Variants in ACOXL observed in about 807,000 individuals in gnomAD.
ACOXL encodes acyl-coenzyme A oxidase-like protein.
ACOXL carries 70 observed loss-of-function variants against 71.9 expected under a neutral mutation model. The ratio of observed to expected loss-of-function variants is 0.97; its 90% CI spans 0.80 to 1.19. ACOXL has a LOEUF of 1.19. Ranked by LOEUF, ACOXL falls within the 50% of genes most tolerant of loss-of-function variation. The pLI is 0.00. For missense variants in ACOXL, 703 were observed against 736.3 expected (o/e 0.95, Z 0.52); for synonymous variants, 253 against 281.6 (o/e 0.90, Z 1.02).
chr2:110,955,691 T>C (rs899852234), intron 12 of ACOXL, among the ~76,000 whole-genome samples: 1 of 152,044 alleles, frequency 6.6e-6, no homozygotes, highest in East Asian at 1.9e-4. Flanking sequence ...CCAGCCTTCT[T>C]TCCAGGCCCT....
chr2:111,007,651 A>G (rs577218099), intron 14 of ACOXL, among the ~76,000 whole-genome samples: 31 of 152,254 alleles, frequency 2.0e-4, no homozygotes, highest in Non-Finnish European at 3.8e-4. Flanking sequence ...CCTGCAGTCA[A>G]TCATTTCTCC....
chr2:111,104,712 T>C (rs1299322682), intron 17 of ACOXL, among the ~76,000 whole-genome samples: 4 of 152,330 alleles, frequency 2.6e-5, no homozygotes, highest in Admixed American at 2.0e-4. Flanking sequence ...TTATATGTTC[T>C]AGATACTAGT....
intron 10 of ACOXL, among the ~76,000 whole-genome samples, chr2:110,876,824 A>C (rs963849294): frequency 2.0e-5 from 3 of 152,256 alleles, no homozygotes; most frequent in Admixed American, 2.0e-4. Context: ...TCTAGGCATT[A>C]TAGGGATACC....
rs186054122 is a variant in ACOXL, at chr2:110,938,406, T to C, written c.1059+4764T>C. 3.8e-3 allele frequency among the ~76,000 whole-genome samples: 586 copies of C among 152,368 alleles called. 1 individual carries two copies. The highest frequency in any genetic ancestry group is 0.012 in the African/African-American group (498 of 41,590). Reference sequence around the variant, plus strand: ...GCCTTCAGGCCCCAGCACCACATGGTGCAGCTGATCCAGTGCACAGAGGCT... The same window carrying C: ...GCCTTCAGGCCCCAGCACCACATGGCGCAGCTGATCCAGTGCACAGAGGCT... On this transcript the variant is annotated intron_variant, in intron 12 of 17. Transcript: ENST00000439055.
chr2:110,878,418 G>A (rs917424332), intron 10 of ACOXL, among the ~76,000 whole-genome samples: 3 of 152,184 alleles, frequency 2.0e-5, no homozygotes, highest in Non-Finnish European at 4.4e-5. Flanking sequence ...GTTAGGAAAC[G>A]TGTAGGAAAG....
rs191670980 is a variant in ACOXL at position 110,979,105 on chromosome 2, G to A, written c.1060-8003G>A. On this transcript the variant is annotated intron_variant, in intron 12 of 17. Transcript: ENST00000439055. Reference sequence around the variant, plus strand: ...GGGAAAACACTTGGGAACAACAGCCGGCCCTGCGCTAGGGAAGGTGGACAC... The same window carrying A: ...GGGAAAACACTTGGGAACAACAGCCAGCCCTGCGCTAGGGAAGGTGGACAC... 2.1e-3 allele frequency among the ~76,000 whole-genome samples: 314 copies of A among 148,058 alleles called. 1 individual carries two copies. The highest frequency in any genetic ancestry group is 7.2e-3 in the African/African-American group (295 of 40,778).
At chr2:110,786,179 T>G (rs1271101215) in intron 3 of ACOXL, among the ~76,000 whole-genome samples, 1 of 152,084 alleles carries the variant, frequency 6.6e-6, no homozygotes, top group Non-Finnish European at 1.5e-5. Context: ...AAACACCCAG[T>G]CGTGATGTCC....
chr2:111,082,331 A>G (rs2067969838), intron 16 of ACOXL, among the ~76,000 whole-genome samples: 1 of 152,112 alleles, frequency 6.6e-6, no homozygotes, highest in Non-Finnish European at 1.5e-5. Flanking sequence ...CAAGAAAAAA[A>G]AAAAGAAACA....
chr2:111,075,664 G>A (rs1045612443), intron 16 of ACOXL, among the ~76,000 whole-genome samples: 5 of 151,550 alleles, frequency 3.3e-5, no homozygotes. Context: ...TTAGATTATT[G>A]ATTTTAGACT....
intron 12 of ACOXL, among the ~76,000 whole-genome samples, chr2:110,974,631 A>G (rs2062362971): frequency 6.6e-6 from 1 of 152,208 alleles, no homozygotes; most frequent in South Asian, 2.1e-4. Context: ...CGCAGTGCAG[A>G]TATGCAAAAA....
chr2:110,967,459 A>C (rs921403946), intron 12 of ACOXL, among the ~76,000 whole-genome samples: 1 of 152,232 alleles, frequency 6.6e-6, no homozygotes, highest in African/African-American at 2.4e-5. Flanking sequence ...CTCAATATAC[A>C]TAAAGGAAAT....
intron 2 of ACOXL, among the ~76,000 whole-genome samples, chr2:110,780,128 A>G (rs1296178540): frequency 6.6e-6 from 1 of 152,248 alleles, no homozygotes; most frequent in Non-Finnish European, 1.5e-5. Context: ...CTTGACAATA[A>G]AAAGACAAAC....
At position 111,117,931 on chromosome 2, in the gene ACOXL, G is replaced by A. The variant is rs1316604004; in HGVS notation, c.*115G>A. Reference sequence around the variant, plus strand: ...GGCACCCGCTGGGCCGCCACTCTCGGGGATTTTGGTGGCAAAGCGGAGGTC... The same window carrying A: ...GGCACCCGCTGGGCCGCCACTCTCGAGGATTTTGGTGGCAAAGCGGAGGTC... On this transcript the variant is annotated 3_prime_UTR_variant, in exon 18 of 18. Coordinates refer to ENST00000439055, the MANE Select transcript of ACOXL (RefSeq NM_001142807.4). The A allele has an allele frequency of 7.0e-6, 9 of 1,281,532 alleles. No homozygotes were observed. The highest frequency in any genetic ancestry group is 9.4e-6 in the Non-Finnish European group (9 of 955,032). The allele number at this position is 1,281,532 out of a possible 1,614,324, so 79.4% of individuals were successfully genotyped here. A position where few individuals can be genotyped will look rare whatever the true frequency, so the allele number is the denominator to read the frequency against.
chr2:110,794,983 T>TA (rs1685116124), intron 5 of ACOXL, among the ~76,000 whole-genome samples: 1 of 150,942 alleles, frequency 6.6e-6, no homozygotes, highest in Non-Finnish European at 1.5e-5. Context: ...ACTGTGTACT[T>TA]ATCTCACTCT....
At chr2:110,936,076 C>G (rs115178801) in intron 12 of ACOXL, among the ~76,000 whole-genome samples, 1 of 152,040 alleles carries the variant, frequency 6.6e-6, no homozygotes, top group Non-Finnish European at 1.5e-5. Flanking sequence ...CTGTGTGGCC[C>G]GGTTCCTAAT....
intron 11 of ACOXL, among the ~76,000 whole-genome samples, chr2:110,923,112 A>C (rs1290294606): frequency 2.6e-5 from 4 of 152,200 alleles, no homozygotes; most frequent in Non-Finnish European, 4.4e-5. Context: ...TGTCCCAATT[A>C]GGGGAAAGAG....
intron 1 of ACOXL, among the ~76,000 whole-genome samples, chr2:110,764,805 C>G (rs1188215898): frequency 1.3e-5 from 2 of 152,186 alleles, no homozygotes; most frequent in African/African-American, 2.4e-5. Flanking sequence ...GGGCCTAAAA[C>G]TGCTCTAAAA....
intron 17 of ACOXL, among the ~76,000 whole-genome samples, chr2:111,115,066 C>G (rs976410994): frequency 2.0e-5 from 3 of 152,240 alleles, no homozygotes; most frequent in African/African-American, 7.2e-5. Context: ...TTGCAAGAAC[C>G]TATAACTTGT....
At chr2:111,089,505 T>C (rs2150009198) in intron 16 of ACOXL, among the ~76,000 whole-genome samples, 1 of 152,270 alleles carries the variant, frequency 6.6e-6, no homozygotes, top group Admixed American at 6.5e-5. Flanking sequence ...AACTTGAAAA[T>C]GACAAAACAT....
Sources: gnomAD v4.1 joint callset for allele counts (sites outside exome capture counted in the v4.1 genomes callset) on GRCh38, gnomAD v4.1.1 for gene constraint, MANE v1.5 for transcripts, NCBI Gene and HGNC (gene_info 2026-07-23, HGNC 2026-07-21) for gene names.